EHBP1: variants seen among roughly 807,000 people sequenced by gnomAD.
EHBP1 encodes EH domain binding protein 1.
EHBP1 carries 55 observed loss-of-function variants against 144.0 expected under a neutral mutation model. The observed-to-expected ratio is 0.38, with a 90% CI of 0.31 to 0.48. EHBP1 has a LOEUF of 0.48. EHBP1 is among the 20% of genes least tolerant of loss of function. The pLI, the probability that EHBP1 is intolerant of heterozygous loss-of-function variation, is 0.98. For synonymous variants in EHBP1, 469 were observed against 472.7 expected, an observed-to-expected ratio of 0.99 and a Z score of 0.10; for missense variants, 1,200 against 1,364.2, an observed-to-expected ratio of 0.88 and a Z score of 1.90.
intron 10 of EHBP1, among the ~76,000 whole-genome samples, chr2:62,912,982 A>G (rs1341231637): frequency 1.3e-5 from 2 of 152,144 alleles, no homozygotes; most frequent in Non-Finnish European, 2.9e-5. Flanking sequence ...GATAATCACA[A>G]AGCCTCAAGC....
At chr2:62,919,441 A>G (rs1001618922) in intron 10 of EHBP1, among the ~76,000 whole-genome samples, 2 of 152,216 alleles carry the variant, frequency 1.3e-5, no homozygotes, top group African/African-American at 4.8e-5. Flanking sequence ...AAGACCTGAG[A>G]TGATTTTAGT....
At chr2:62,770,002 A>G (rs1474685502) in intron 4 of EHBP1, among the ~76,000 whole-genome samples, 6 of 152,086 alleles carry the variant, frequency 3.9e-5, no homozygotes, top group African/African-American at 7.2e-5. Flanking sequence ...TTCTTACACC[A>G]TATACAAAAA....
chr2:62,682,659 A>G (rs1237547191), intron 1 of EHBP1, among the ~76,000 whole-genome samples: 1 of 152,224 alleles, frequency 6.6e-6, no homozygotes, highest in African/African-American at 2.4e-5. Context: ...GACAGATGGT[A>G]CCAGCACAAT....
At chr2:62,924,455 C>G (rs917740107) in intron 10 of EHBP1, among the ~76,000 whole-genome samples, 1 of 151,946 alleles carries the variant, frequency 6.6e-6, no homozygotes. Flanking sequence ...TAAACGAAAT[C>G]AACACACCAT....
intron 19 of EHBP1, among the ~76,000 whole-genome samples, chr2:63,019,706 C>CA (rs1397822686): frequency 9.7e-6 from 1 of 103,294 alleles, no homozygotes; most frequent in African/African-American, 3.7e-5. Context: ...GACTCCATCT[C>CA]AAAAAAAGAA....
In EHBP1 at chr2:62,809,191, T is replaced by C. The variant is rs531731796; in HGVS notation, c.313-16896T>C. On this transcript the variant is annotated intron_variant, in intron 5 of 22. Coordinates refer to ENST00000431489, the MANE Select transcript of EHBP1 (RefSeq NM_001142616.3). ...CTGTAATCCCAGCTACTTGGGAGGC[T>C]GAGGCAGGAGAATCACTTGAACCTG... Among the ~76,000 whole-genome samples the C allele has an allele frequency of 8.5e-4, 128 of 150,058 alleles. 1 individual carries two copies. The highest frequency in any genetic ancestry group is 1.3e-4 in the Non-Finnish European group (9 of 67,888).
At chr2:62,896,349 C>G (rs188663129) in intron 10 of EHBP1, among the ~76,000 whole-genome samples, 1 of 152,184 alleles carries the variant, frequency 6.6e-6, no homozygotes, top group Non-Finnish European at 1.5e-5. Context: ...AACGTAGGCA[C>G]TGCCTGGGAT....
At chr2:62,863,845 T>G (rs1324968220) in intron 8 of EHBP1, among the ~76,000 whole-genome samples, 1 of 134,814 alleles carries the variant, frequency 7.4e-6, no homozygotes, top group African/African-American at 2.7e-5. Flanking sequence ...GTGTTGTTTT[T>G]TTTTTTTTTT....
intron 14 of EHBP1, among the ~76,000 whole-genome samples, chr2:62,970,614 A>AT (rs1438938259): frequency 4.6e-5 from 7 of 152,170 alleles, no homozygotes; most frequent in African/African-American, 1.4e-4. Context: ...CCATGGCATC[A>AT]TTTTTTGGCT....
At chr2:62,863,005 G>A (rs772561692) in intron 8 of EHBP1, among the ~76,000 whole-genome samples, 15 of 152,084 alleles carry the variant, frequency 9.9e-5, no homozygotes, top group South Asian at 2.1e-4. Flanking sequence ...CACTGAGGCC[G>A]GGCACAGTGG....
chr2:62,875,070 C>G (rs896892060), intron 10 of EHBP1, among the ~76,000 whole-genome samples: 1 of 152,184 alleles, frequency 6.6e-6, no homozygotes, highest in Non-Finnish European at 1.5e-5. Flanking sequence ...GCCACCCTGC[C>G]CCTGCCAGCA....
At chr2:62,928,052 A>G (rs530032668) in intron 10 of EHBP1, among the ~76,000 whole-genome samples, 2 of 152,322 alleles carry the variant, frequency 1.3e-5, no homozygotes, top group African/African-American at 4.8e-5. Flanking sequence ...GAAAATAAAA[A>G]CACAGCATAC....
intron 7 of EHBP1, among the ~76,000 whole-genome samples, chr2:62,849,356 A>G (rs2048518774): frequency 6.6e-6 from 1 of 152,116 alleles, no homozygotes; most frequent in Admixed American, 6.5e-5. Context: ...CTTTTCAGCC[A>G]AGATCAAACG....
At chr2:62,687,212 G>C (rs2033746698) in intron 1 of EHBP1, among the ~76,000 whole-genome samples, 1 of 152,128 alleles carries the variant, frequency 6.6e-6, no homozygotes, top group Non-Finnish European at 1.5e-5. Context: ...GTCTTTCTAT[G>C]ATCATTTCCC....
chr2:63,038,925 C>G, intron 21 of EHBP1, 109 bp downstream of exon 21: 1 of 993,030 alleles, frequency 1.0e-6, no homozygotes, highest in East Asian at 2.5e-5. Context: ...TAGGGACCTT[C>G]CGGAATTGCA....
intron 10 of EHBP1, among the ~76,000 whole-genome samples, chr2:62,878,457 G>C (rs376798765): frequency 6.6e-6 from 1 of 152,080 alleles, no homozygotes; most frequent in Non-Finnish European, 1.5e-5. Flanking sequence ...CCTCTCTAAC[G>C]CATTCTGTGA....
intron 7 of EHBP1, among the ~76,000 whole-genome samples, chr2:62,853,140 TTCATA>T (rs1163716378): frequency 1.3e-5 from 2 of 152,202 alleles, no homozygotes; most frequent in Admixed American, 1.3e-4. Flanking sequence ...GCCTAGTATT[TTCATA>T]CCTGCATTCC....
At chr2:62,889,499 C>G (rs1052524105) in intron 10 of EHBP1, among the ~76,000 whole-genome samples, 1 of 152,030 alleles carries the variant, frequency 6.6e-6, no homozygotes, top group Non-Finnish European at 1.5e-5. Context: ...ATGCTATTGC[C>G]TAGGTTCTTT....
intron 16 of EHBP1, among the ~76,000 whole-genome samples, chr2:62,993,314 G>A (rs1438196260): frequency 2.6e-5 from 4 of 152,090 alleles, no homozygotes; most frequent in Non-Finnish European, 2.9e-5. Context: ...AGACACATTC[G>A]TATCAAAGTT....
Sources: allele counts gnomAD v4.1 joint callset (sites outside exome capture counted in the v4.1 genomes callset), GRCh38; gene constraint gnomAD v4.1.1; transcripts MANE v1.5; gene names NCBI Gene and HGNC (gene_info 2026-07-23, HGNC 2026-07-21).